Variants in CDH8 observed in about 807,000 individuals in gnomAD.
The protein encoded by CDH8 is cadherin 8.
CDH8 carries 17 observed loss-of-function variants against 68.1 expected under a neutral mutation model. The ratio of observed to expected loss-of-function variants is 0.25; its 90% CI spans 0.17 to 0.37. The LOEUF is 0.37. Ranked by LOEUF, CDH8 falls within the 10% of genes least tolerant of loss-of-function variation. The probability of loss-of-function intolerance (pLI) is 1.00; values close to 1 mark genes in which losing one functional copy is unlikely to be tolerated. For missense variants in CDH8, 763 were observed against 999.3 expected (o/e 0.76, Z 3.19); for synonymous variants, 372 against 365.1 (o/e 1.02, Z -0.21).
intron 8 of CDH8, among the ~76,000 whole-genome samples, chr16:61,730,793 G>C (rs75831217): frequency 0.012 from 1,877 of 151,538 alleles, 24 homozygotes; most frequent in Non-Finnish European, 0.018. Context: ...AATTTCTCTA[G>C]TTATCCCTCA....
At chr16:61,712,733 C>T (rs1283105150) in intron 10 of CDH8, among the ~76,000 whole-genome samples, 1 of 151,622 alleles carries the variant, frequency 6.6e-6, no homozygotes, top group African/African-American at 2.4e-5. Flanking sequence ...TGGAAGTCAG[C>T]TAAATTAGTA....
intron 10 of CDH8, among the ~76,000 whole-genome samples, chr16:61,683,114 A>G (rs916467559): frequency 6.6e-6 from 1 of 151,960 alleles, no homozygotes; most frequent in Non-Finnish European, 1.5e-5. Context: ...CTACTTTTAT[A>G]TTTTCAATAT....
chr16:62,006,085 G>C (rs967170715), intron 2 of CDH8, among the ~76,000 whole-genome samples: 1 of 152,180 alleles, frequency 6.6e-6, no homozygotes, highest in Non-Finnish European at 1.5e-5. Flanking sequence ...AAAGCCTCTG[G>C]TGAGGCAATA....
In CDH8 at chr16:61,713,925, C is replaced by G; in HGVS notation, c.1570G>C (p.Asp524His). Residue 524 changes from aspartate to histidine, a missense_variant, in exon 10 of 12, where the codon GAT becomes CAT. Coordinates refer to ENST00000577390, the MANE Select transcript of CDH8 (RefSeq NM_001796.5). ...AAGAAATAATGTCCGTTTTTGGGATCATCTTTGTCCATGGCGCTAACAGTT... is the reference window on the plus strand; with the variant it reads ...AAGAAATAATGTCCGTTTTTGGGATGATCTTTGTCCATGGCGCTAACAGTT... The part of the protein sequence containing the change: ...IQTVSAMDKD[D>H]PKNGHYFLYS... 6.2e-7 allele frequency: 1 copy of G among 1,608,446 alleles called. No homozygotes were observed. Among genetic ancestry groups the G allele is most frequent in the Non-Finnish European group, 8.5e-7 (1 of 1,175,576 alleles).
chr16:61,705,378 GA>G (rs1483249098), intron 10 of CDH8, among the ~76,000 whole-genome samples: 1 of 152,158 alleles, frequency 6.6e-6, no homozygotes, highest in African/African-American at 2.4e-5. Flanking sequence ...CAACTTGTAT[GA>G]AAAGTATAAT....
At chr16:61,988,610 AAAAG>A (rs1484308409) in intron 2 of CDH8, among the ~76,000 whole-genome samples, 1 of 150,062 alleles carries the variant, frequency 6.7e-6, no homozygotes, top group Non-Finnish European at 1.5e-5. Context: ...AACAAACAAA[AAAAG>A]GTACAAGTTC....
At chr16:61,731,310 G>A (rs1376262081) in intron 8 of CDH8, among the ~76,000 whole-genome samples, 2 of 151,632 alleles carry the variant, frequency 1.3e-5, no homozygotes, top group Non-Finnish European at 3.0e-5. Flanking sequence ...AGCCTTCTAG[G>A]AAAAATAACA....
chr16:61,901,450 C>T lies in CDH8; in HGVS notation c.276G>A (p.Gly92=). The T allele has an allele frequency of 6.2e-7, 1 of 1,613,380 alleles. No individual in the cohort carries two copies. Among genetic ancestry groups the T allele is most frequent in the South Asian group, 1.1e-5 (1 of 91,060 alleles). ...ATAGGATATACTTGATTTTTTTGCT[C>T]CCAGGATCCAGGTCTGTGTGTAGCT... is the stretch of plus-strand genomic sequence containing the variant. ...VGRLHTDLDP[G]SKKIKYILSG... Residue 92 remains glycine (G), a synonymous_variant, in exon 3 of 12, where the codon GGG becomes GGA. Transcript: ENST00000577390.
intron 2 of CDH8, among the ~76,000 whole-genome samples, chr16:61,913,430 T>A (rs1231171210): frequency 2.0e-5 from 3 of 152,150 alleles, no homozygotes; most frequent in Non-Finnish European, 4.4e-5. Context: ...TATGCCAGTG[T>A]TTATAAGTAA....
chr16:61,864,714 C>A (rs1963220555), intron 3 of CDH8, among the ~76,000 whole-genome samples: 1 of 152,108 alleles, frequency 6.6e-6, no homozygotes, highest in African/African-American at 2.4e-5. Context: ...GAGATTTCAT[C>A]CCCAGCCAAG....
chr16:62,026,749 G>A (rs999410349), intron 1 of CDH8, among the ~76,000 whole-genome samples: 6 of 152,168 alleles, frequency 3.9e-5, no homozygotes, highest in Non-Finnish European at 8.8e-5. Flanking sequence ...TGGTCTTCAA[G>A]GCAATCCTGC....
intron 3 of CDH8, among the ~76,000 whole-genome samples, chr16:61,876,788 T>C (rs1963470416): frequency 6.6e-6 from 1 of 152,048 alleles, no homozygotes; most frequent in African/African-American, 2.4e-5. Flanking sequence ...GTGTCTGTCC[T>C]TTCTCCCTTA....
intron 4 of CDH8, among the ~76,000 whole-genome samples, chr16:61,852,318 A>C (rs77331092): frequency 0.015 from 2,273 of 152,198 alleles, 30 homozygotes; most frequent in Non-Finnish European, 0.024. Flanking sequence ...AACCTAAAAG[A>C]CTGTATATAC....
chr16:62,023,768 T>G (rs1007904378), intron 1 of CDH8, among the ~76,000 whole-genome samples: 1 of 152,090 alleles, frequency 6.6e-6, no homozygotes. Flanking sequence ...CATGGGGAGA[T>G]CCATTCTAGT....
At chr16:61,886,570 G>A (rs1167374250) in intron 3 of CDH8, among the ~76,000 whole-genome samples, 1 of 152,170 alleles carries the variant, frequency 6.6e-6, no homozygotes, top group Non-Finnish European at 1.5e-5. Flanking sequence ...CCAGAGATGG[G>A]AAGTGCCTAA....
At chr16:61,789,250 G>C (rs1369043579) in intron 8 of CDH8, 96 bp downstream of exon 8, 31 of 1,098,958 alleles carry the variant, frequency 2.8e-5, no homozygotes, top group Non-Finnish European at 4.0e-5. Flanking sequence ...CAATGTCAAG[G>C]TACCTAACAG....
chr16:61,864,356 T>C (rs1441657605), intron 3 of CDH8, among the ~76,000 whole-genome samples: 16 of 151,820 alleles, frequency 1.1e-4, no homozygotes, highest in Admixed American at 1.1e-3. Context: ...ATTGAAAGTC[T>C]CCACCCCCTC....
intron 9 of CDH8, among the ~76,000 whole-genome samples, chr16:61,716,200 A>C (rs1964726284): frequency 6.6e-6 from 1 of 151,656 alleles, no homozygotes; most frequent in African/African-American, 2.4e-5. Context: ...AGCTCCCATA[A>C]TTAATACCAT....
At chr16:61,689,673 C>T (rs1964179870) in intron 10 of CDH8, among the ~76,000 whole-genome samples, 1 of 151,970 alleles carries the variant, frequency 6.6e-6, no homozygotes, top group African/African-American at 2.4e-5. Flanking sequence ...AGCCAAGATG[C>T]AATACTTACT....
Sources: allele counts gnomAD v4.1 joint callset (sites outside exome capture counted in the v4.1 genomes callset), GRCh38; gene constraint gnomAD v4.1.1; transcripts MANE v1.5; gene names NCBI Gene and HGNC (gene_info 2026-07-23, HGNC 2026-07-21).